TRIM24: variants seen among roughly 807,000 people sequenced by gnomAD.
TRIM24 encodes the protein transcription intermediary factor 1-alpha.
TRIM24 carries 29 observed loss-of-function variants against 123.9 expected under a neutral mutation model. The ratio of observed to expected loss-of-function variants is 0.23; its 90% CI spans 0.17 to 0.32. The LOEUF (loss-of-function observed/expected upper bound fraction) is 0.32, where lower values mean the gene tolerates loss of function less well. Among genes scored for constraint, TRIM24 ranks in the 10% least tolerant of loss-of-function variants. The pLI is 1.00. For missense variants in TRIM24, 932 were observed against 1,295.3 expected (o/e 0.72, Z 4.31); for synonymous variants, 456 against 461.1 (o/e 0.99, Z 0.14).
At chr7:138,469,155 T>G (rs969311425) in intron 1 of TRIM24, among the ~76,000 whole-genome samples, 1 of 152,212 alleles carries the variant, frequency 6.6e-6, no homozygotes, top group Non-Finnish European at 1.5e-5. Flanking sequence ...GTCAGAAGAA[T>G]GCTTTTTAAT....
chr7:138,523,566 T>C (rs577484261), intron 4 of TRIM24, among the ~76,000 whole-genome samples: 7 of 152,106 alleles, frequency 4.6e-5, no homozygotes, highest in East Asian at 1.9e-4. Context: ...CCATCCTGGC[T>C]AACATGGTGA....
intron 9 of TRIM24, among the ~76,000 whole-genome samples, chr7:138,557,859 G>T (rs1797346714): frequency 6.6e-6 from 1 of 152,166 alleles, no homozygotes; most frequent in Non-Finnish European, 1.5e-5. Context: ...ATAACGTTAT[G>T]ATGCAGTTGA....
At chr7:138,470,593 A>G (rs1795252591) in intron 1 of TRIM24, among the ~76,000 whole-genome samples, 1 of 152,198 alleles carries the variant, frequency 6.6e-6, no homozygotes, top group Non-Finnish European at 1.5e-5. Flanking sequence ...GCTGCTCACA[A>G]AAGCCCCTTA....
chr7:138,583,036 TATC>T (rs1311058963), intron 17 of TRIM24, among the ~76,000 whole-genome samples: 1 of 152,222 alleles, frequency 6.6e-6, no homozygotes, highest in Admixed American at 6.5e-5. Context: ...TCTTAATAAA[TATC>T]ATCTCATTTA....
chr7:138,498,619 C>T (rs965483803), intron 1 of TRIM24, among the ~76,000 whole-genome samples: 1 of 152,008 alleles, frequency 6.6e-6, no homozygotes, highest in Non-Finnish European at 1.5e-5. Flanking sequence ...AAAGAATGTG[C>T]CTTCTGCTCA....
At chr7:138,550,487 A>G (rs1283468839) in intron 7 of TRIM24, among the ~76,000 whole-genome samples, 3 of 152,150 alleles carry the variant, frequency 2.0e-5, no homozygotes, top group Non-Finnish European at 4.4e-5. Context: ...ACCAAGAACT[A>G]AAATCTTCAA....
At chr7:138,493,220 C>T (rs1243321374) in intron 1 of TRIM24, among the ~76,000 whole-genome samples, 3 of 150,312 alleles carry the variant, frequency 2.0e-5, no homozygotes, top group Non-Finnish European at 4.4e-5. Context: ...TTTGACTAGT[C>T]GTTTCACTGT....
rs1485929056 is a variant in TRIM24 at position 138,519,332 on chromosome 7, C to G, written c.764+11C>G. 5.6e-6 allele frequency: 9 copies of G among 1,594,426 alleles called. No homozygotes were observed. Among genetic ancestry groups the G allele is most frequent in the Non-Finnish European group, 7.7e-6 (9 of 1,171,980 alleles). On this transcript the variant is annotated intron_variant, in intron 4 of 18. Transcript: ENST00000343526. ...ACATAAAGAGCATAGGTACCAGCATCTTTGGTTATATATATAGATTCATAT... is the reference window on the plus strand; with the variant it reads ...ACATAAAGAGCATAGGTACCAGCATGTTTGGTTATATATATAGATTCATAT...
At chr7:138,491,250 T>A (rs1289079748) in intron 1 of TRIM24, 4 of 241,116 alleles carry the variant, frequency 1.7e-5, no homozygotes, top group Non-Finnish European at 3.4e-5. Context: ...CTGATATTTC[T>A]TGGACATAGC....
In TRIM24 at chr7:138,579,428, C is replaced by T; in HGVS notation, c.2481C>T (p.Asp827=). 6.2e-7 allele frequency: 1 copy of T among 1,614,176 alleles called. No homozygotes were observed. Among genetic ancestry groups the T allele is most frequent in the Non-Finnish European group, 8.5e-7 (1 of 1,180,028 alleles). Residue 827 remains aspartate (D), a synonymous_variant, in exon 15 of 19, where the codon GAC becomes GAT. Coordinates refer to ENST00000343526, the MANE Select transcript of TRIM24 (RefSeq NM_015905.3). ...GGAAAGAGGATGACCCCAATGAGGACTGGTGTGCAGTTTGTCAAAACGGAG... is the reference window on the plus strand; with the variant it reads ...GGAAAGAGGATGACCCCAATGAGGATTGGTGTGCAGTTTGTCAAAACGGAG... ...ETRKEDDPNE[D]WCAVCQNGGE... is the part of the protein sequence containing the mutation.
At position 138,567,575 on chromosome 7, in the gene TRIM24, C is replaced by A; in HGVS notation, c.1625C>A (p.Pro542Gln). The A allele has an allele frequency of 6.2e-7, 1 of 1,613,964 alleles. No individual in the cohort carries two copies. Among genetic ancestry groups the A allele is most frequent in the South Asian group, 1.1e-5 (1 of 91,066 alleles). Reference sequence around the variant, plus strand: ...CATCCTCAACAACTGAGATATCCACCAAACCAGAACATACCACGACAAGCA... The same window carrying A: ...CATCCTCAACAACTGAGATATCCACAAAACCAGAACATACCACGACAAGCA... ...PPHPQQLRYP[P>Q]NQNIPRQAIK... The change falls in exon 10 of 19, where the codon CCA becomes CAA. Residue 542 changes from proline to glutamine, a missense_variant. Pro to Gln is a moderately conservative substitution (Grantham distance 76, BLOSUM62 -1). Around this residue, in one of 7 missense-constraint regions of TRIM24, gnomAD observed 527 missense variants for 691.3 expected, o/e 0.76. Coordinates refer to ENST00000343526, the MANE Select transcript of TRIM24 (RefSeq NM_015905.3).
chr7:138,530,837 G>A (rs141981888), intron 6 of TRIM24, among the ~76,000 whole-genome samples: 526 of 152,132 alleles, frequency 3.5e-3, no homozygotes, highest in African/African-American at 0.011. Flanking sequence ...TGTTTTCACT[G>A]CAGCCTTGAC....
At chr7:138,545,409 A>T (rs1288935709) in intron 7 of TRIM24, 3 of 456,646 alleles carry the variant, frequency 6.6e-6, no homozygotes, top group Non-Finnish European at 1.3e-5. Flanking sequence ...ACATTGAGTA[A>T]ATAAGTAAAT....
chr7:138,543,837 T>G (rs570620246), intron 7 of TRIM24, among the ~76,000 whole-genome samples: 1 of 152,068 alleles, frequency 6.6e-6, no homozygotes, highest in Non-Finnish European at 1.5e-5. Flanking sequence ...TTCTGTTTTT[T>G]TTGTTGTTGT....
chr7:138,583,562 G>C (rs1797950738), intron 17 of TRIM24, among the ~76,000 whole-genome samples: 1 of 152,234 alleles, frequency 6.6e-6, no homozygotes, highest in Non-Finnish European at 1.5e-5. Context: ...AAAGTTTGCA[G>C]TGAGCCGAGA....
intron 17 of TRIM24, among the ~76,000 whole-genome samples, chr7:138,582,864 C>G (rs568324693): frequency 1.4e-4 from 21 of 152,264 alleles, no homozygotes; most frequent in South Asian, 1.0e-3. Flanking sequence ...ATAAATACCT[C>G]CAGGGAGAAG....
chr7:138,559,799 A>G (rs964421808), intron 9 of TRIM24, among the ~76,000 whole-genome samples: 5 of 152,208 alleles, frequency 3.3e-5, no homozygotes, highest in African/African-American at 1.2e-4. Context: ...GGGAGTGGAC[A>G]AGATTACAGT....
chr7:138,518,658 C>T (rs1796447143), intron 3 of TRIM24, among the ~76,000 whole-genome samples: 1 of 152,088 alleles, frequency 6.6e-6, no homozygotes, highest in Non-Finnish European at 1.5e-5. Flanking sequence ...TTTTCCATCT[C>T]TTTCTCTGCC....
At chr7:138,490,501 A>G (rs1795757209) in intron 1 of TRIM24, 1 of 187,080 alleles carries the variant, frequency 5.3e-6, no homozygotes, top group Admixed American at 6.3e-5. Context: ...ACTCCTCCCT[A>G]TTGCCCCTTC....
Sources: allele counts gnomAD v4.1 joint callset (sites outside exome capture counted in the v4.1 genomes callset), GRCh38; gene constraint gnomAD v4.1.1; regional missense constraint gnomAD v4.1.1; transcripts MANE v1.5; gene names NCBI Gene and HGNC (gene_info 2026-07-23, HGNC 2026-07-21).